The following WDR3 variants were observed in gnomAD, a reference collection of about 807,000 sequenced individuals.
WDR3 encodes the protein WD repeat-containing protein 3.
In WDR3, 81 loss-of-function variants were observed where a neutral mutation model predicts 123.7. The ratio of observed to expected loss-of-function variants is 0.65; its 90% CI spans 0.55 to 0.79. The LOEUF (loss-of-function observed/expected upper bound fraction) is 0.79, where lower values mean the gene tolerates loss of function less well. Ranked by LOEUF, WDR3 falls within the 30% of genes least tolerant of loss-of-function variation. The pLI, the probability that WDR3 is intolerant of heterozygous loss-of-function variation, is 0.00. For synonymous variants in WDR3, 390 were observed against 388.8 expected, an observed-to-expected ratio of 1.00 and a Z score of -0.04; for missense variants, 1,027 against 1,123.2, an observed-to-expected ratio of 0.91 and a Z score of 1.22.
chr1:117,958,148 G>A (rs1292584046), intron 25 of WDR3, among the ~76,000 whole-genome samples: 2 of 152,168 alleles, frequency 1.3e-5, no homozygotes, highest in South Asian at 2.1e-4. Flanking sequence ...ATGCCAAATA[G>A]TTAAACAGGT....
At chr1:117,950,739 T>G (rs528840709) in intron 15 of WDR3, 95 bp from the exon 16 acceptor site, 489 of 1,121,446 alleles carry the variant, frequency 4.4e-4, no homozygotes, top group Admixed American at 6.4e-4. Context: ...TAAAGCAATT[T>G]AAAAATGTGT....
intron 12 of WDR3, among the ~76,000 whole-genome samples, chr1:117,946,654 A>C (rs1651393139): frequency 6.6e-6 from 1 of 152,002 alleles, no homozygotes; most frequent in South Asian, 2.1e-4. Flanking sequence ...AGAAATAGGT[A>C]ATTTGGGCCG....
Position 117,964,240 on chromosome 1 carries a change from T to G in WDR3, c.*4793T>G, listed in dbSNP as rs1194685034. ...ATATCTACATCAGATTTCATGCTTT[T>G]TTTTTTTTTTTTTGGTGGGGAGAGG... On this transcript the variant is annotated 3_prime_UTR_variant, in exon 27 of 27. Coordinates refer to ENST00000349139, the MANE Select transcript of WDR3 (RefSeq NM_006784.3). 1 of 176,908 alleles carries G rather than the reference T, an allele frequency of 5.7e-6. No homozygotes were observed. Among genetic ancestry groups the G allele is most frequent in the Non-Finnish European group, 1.2e-5 (1 of 83,842 alleles). 11.0% of individuals were successfully genotyped at this position (176,908 alleles called of 1,614,324 possible). A position where few individuals can be genotyped will look rare whatever the true frequency, so the allele number is the denominator to read the frequency against.
In WDR3 at chr1:117,942,691, TGTC is replaced by T. The variant is rs759294035; in HGVS notation, c.1097+148_1097+150del. ...CATCTGTGTCACACTCTGCTCCTGT[TGTC>T]CTAATCATGGGCCCACTTTTTGTCT... On this transcript the variant is annotated intron_variant, in intron 10 of 26. Transcript: ENST00000349139. 3 of 691,358 alleles carry T rather than the reference TGTC, an allele frequency of 4.3e-6. No homozygotes were observed. The South Asian group carries it at 5.9e-5, about 14-fold the overall frequency. The allele number at this position is 691,358 out of a possible 1,614,324, so 42.8% of individuals were successfully genotyped here.
chr1:117,946,447 G>A (rs1651383927), intron 12 of WDR3, among the ~76,000 whole-genome samples: 1 of 152,130 alleles, frequency 6.6e-6, no homozygotes, highest in African/African-American at 2.4e-5. Flanking sequence ...GGGCGCATAT[G>A]TAATTGTGTT....
rs780404471 is a variant in WDR3, at chr1:117,963,949, T to C, written c.*4502T>C. 3.1e-6 allele frequency: 5 copies of C among 1,610,174 alleles called. No individual in the cohort carries two copies. The highest frequency in any genetic ancestry group is 4.2e-6 in the Non-Finnish European group (5 of 1,178,252). ...TGCTTGTTAAAACAGGTAAAATACT[T>C]GTTAAGGGCTGTGCTTTTCATGACT... On this transcript the variant is annotated 3_prime_UTR_variant, in exon 27 of 27. Transcript: ENST00000349139.
intron 21 of WDR3, 138 bp from the exon 22 acceptor site, chr1:117,953,869 G>A (rs1241517359): frequency 2.8e-6 from 2 of 708,416 alleles, no homozygotes; most frequent in Non-Finnish European, 4.7e-6. Context: ...AATGCTTTTT[G>A]GCACTCTATT....
chr1:117,946,940 CAAAAAAAA>C (rs55743091), intron 12 of WDR3, among the ~76,000 whole-genome samples: 1 of 77,382 alleles, frequency 1.3e-5, no homozygotes, highest in African/African-American at 5.4e-5. Context: ...GACTCCATCT[CAAAAAAAA>C]AAAAAAAAAA....
intron 24 of WDR3, 54 bp downstream of exon 24, chr1:117,955,412 G>A: frequency 6.6e-7 from 1 of 1,506,788 alleles, no homozygotes; most frequent in Middle Eastern, 1.7e-4. Flanking sequence ...CATTTATGAA[G>A]TGCTTATCTG....
At chr1:117,958,797 C>G (rs879074963) in intron 25 of WDR3, 113 bp from the exon 26 acceptor site, 5 of 372,480 alleles carry the variant, frequency 1.3e-5, no homozygotes, top group Non-Finnish European at 1.4e-5. Flanking sequence ...CGAAACATTT[C>G]TATAATGTAT....
Position 117,943,492 on chromosome 1 carries a change from G to T in WDR3, c.1194G>T (p.Leu398Phe), listed in dbSNP as rs1651253989. 6 of 1,614,052 alleles carry T rather than the reference G, an allele frequency of 3.7e-6. No homozygotes were observed. Among genetic ancestry groups the T allele is most frequent in the Non-Finnish European group, 5.1e-6 (6 of 1,180,026 alleles). Reference sequence around the variant, plus strand: ...AATTGTATTCACTGAATCCATCCTTGCCTACTCCTCAGCCTGTCAGGACAA... The same window carrying T: ...AATTGTATTCACTGAATCCATCCTTTCCTACTCCTCAGCCTGTCAGGACAA... ...LVELYSLNPS[L>F]PTPQPVRTSR... Residue 398 changes from leucine (L) to phenylalanine (F), a missense_variant, in exon 11 of 27, where the codon TTG becomes TTT. By Grantham distance (22) the Leu-to-Phe change is conservative (BLOSUM62 0). Transcript: ENST00000349139.
In WDR3 at chr1:117,964,015, C is replaced by T; in HGVS notation, c.*4568C>T. ...ATAAACCTAAATAACATTTTAGAATCATAGAATTTCTTCTCTGGCAACATC... is the reference window on the plus strand; with the variant it reads ...ATAAACCTAAATAACATTTTAGAATTATAGAATTTCTTCTCTGGCAACATC... On this transcript the variant is annotated 3_prime_UTR_variant, in exon 27 of 27. Coordinates refer to ENST00000349139, the MANE Select transcript of WDR3 (RefSeq NM_006784.3). The T allele has an allele frequency of 6.7e-7, 1 of 1,483,122 alleles. No homozygotes were observed. Among genetic ancestry groups the T allele is most frequent in the Non-Finnish European group, 9.1e-7 (1 of 1,096,300 alleles). The allele number at this position is 1,483,122 out of a possible 1,614,324, so 91.9% of individuals were successfully genotyped here. A position where few individuals can be genotyped will look rare whatever the true frequency, so the allele number is the denominator to read the frequency against.
Position 117,933,336 on chromosome 1 carries a change from A to C in WDR3, c.17A>C (p.Gln6Pro). The change falls in exon 2 of 27, where the codon CAG becomes CCG. Residue 6 changes from glutamine (Q) to proline (P), a missense_variant. Coordinates refer to ENST00000349139, the MANE Select transcript of WDR3 (RefSeq NM_006784.3). ...CATCACAACATGGGGCTCACCAAGC[A>C]GTACCTACGCTATGTTGCTAGTGCG... is the stretch of plus-strand genomic sequence containing the variant. MGLTKQYLRYVASAVF... is the reference protein window; with the variant it reads MGLTKPYLRYVASAVF... 6.2e-7 allele frequency: 1 copy of C among 1,614,228 alleles called. No homozygotes were observed. Among genetic ancestry groups the C allele is most frequent in the South Asian group, 1.1e-5 (1 of 91,082 alleles).
At chr1:117,956,462 G>GACAA (rs1652210826) in intron 24 of WDR3, among the ~76,000 whole-genome samples, 2 of 152,074 alleles carry the variant, frequency 1.3e-5, no homozygotes, top group African/African-American at 2.4e-5. Context: ...CTTCACTACA[G>GACAA]GAATGTAAAA....
At chr1:117,957,042 T>G (rs1557829384) in intron 24 of WDR3, 26 bp from the exon 25 acceptor site, 2 of 1,535,168 alleles carry the variant, frequency 1.3e-6, no homozygotes, top group East Asian at 2.4e-5. Flanking sequence ...AATGTGGCAT[T>G]TTTATATTTA....
chr1:117,953,051 A>G (rs1651701191), intron 20 of WDR3, 55 bp downstream of exon 20: 12 of 1,573,134 alleles, frequency 7.6e-6, no homozygotes, highest in Non-Finnish European at 9.5e-6. Context: ...TATCTTATTG[A>G]AATTGACTAT....
chr1:117,958,596 T>C (rs1240628587), intron 25 of WDR3, among the ~76,000 whole-genome samples: 1 of 152,192 alleles, frequency 6.6e-6, no homozygotes, highest in Non-Finnish European at 1.5e-5. Flanking sequence ...AGGCTCATTC[T>C]GTCTTTGAGT....
chr1:117,933,705 T>G, intron 2 of WDR3: 1 of 614,682 alleles, frequency 1.6e-6, no homozygotes, highest in South Asian at 1.7e-5. Flanking sequence ...AATAGGAGCT[T>G]ATTTCTTAGA....
In WDR3 at chr1:117,939,478, T is replaced by C. The variant is rs1651065139; in HGVS notation, c.581T>C (p.Val194Ala). 1.2e-6 allele frequency: 2 copies of C among 1,613,352 alleles called. No homozygotes were observed. Among genetic ancestry groups the C allele is most frequent in the Non-Finnish European group, 8.5e-7 (1 of 1,179,536 alleles). ...CTCAAATCTTTTTATATTCTATAGG[T>C]ATGGGGGTTGGTTCTGTTGTCAGAA... ...FKTMVGHRTE[V>A]WGLVLLSEEK... Residue 194 changes from valine to alanine, a missense_variant and splice_region_variant, in exon 6 of 27, where the codon GTA (valine) becomes GCA (alanine). Transcript: ENST00000349139.
Sources: gnomAD v4.1 joint callset for allele counts (sites outside exome capture counted in the v4.1 genomes callset) on GRCh38, gnomAD v4.1.1 for gene constraint, MANE v1.5 for transcripts, NCBI Gene and HGNC (gene_info 2026-07-23, HGNC 2026-07-21) for gene names.